The following SNX27 variants were observed in gnomAD, a reference collection of about 807,000 sequenced individuals.
SNX27 encodes sorting nexin 27.
Under a neutral mutation model 71.6 loss-of-function variants are expected in SNX27, and 22 were observed. The observed-to-expected ratio is 0.31, with a 90% confidence interval of 0.22 to 0.44. SNX27 has a LOEUF of 0.44. Among genes scored for constraint, SNX27 ranks in the 20% least tolerant of loss-of-function variants. SNX27 has a pLI of 1.00. For synonymous variants in SNX27, 269 were observed against 277.2 expected (o/e 0.97, Z 0.29); for missense variants, 531 against 698.6 (o/e 0.76, Z 2.70).
At chr1:151,669,559 C>A (rs1364902695) in intron 7 of SNX27, among the ~76,000 whole-genome samples, 3 of 152,174 alleles carry the variant, frequency 2.0e-5, no homozygotes, top group Non-Finnish European at 4.4e-5. Flanking sequence ...GGAGTCTCTT[C>A]CTCTATCCCC....
In SNX27 at chr1:151,660,819, G is replaced by A; in HGVS notation, c.758G>A (p.Gly253Asp). The A allele has an allele frequency of 6.2e-7, 1 of 1,612,754 alleles. No homozygotes were observed. Among genetic ancestry groups the A allele is most frequent in the Non-Finnish European group, 8.5e-7 (1 of 1,178,858 alleles). ...ACAGTGTGTTCAATACGAGTAATTGGTGAGAGTGACATCATGCAGGAATTC... is the reference window on the plus strand; with the variant it reads ...ACAGTGTGTTCAATACGAGTAATTGATGAGAGTGACATCATGCAGGAATTC... ...LEKVCSIRVI[G>D]ESDIMQEFLS... The change falls in exon 4 of 12, where the codon GGT (glycine) becomes GAT (aspartate). Residue 253 changes from glycine (G) to aspartate (D), a missense_variant. Gly to Asp is a moderately conservative substitution (Grantham distance 94). Around this residue, in one of 5 missense-constraint regions of SNX27, gnomAD observed 184 missense variants for 289.6 expected, o/e 0.64. Transcript: ENST00000458013.
At chr1:151,626,531 T>C (rs1026302240) in intron 1 of SNX27, among the ~76,000 whole-genome samples, 1 of 152,110 alleles carries the variant, frequency 6.6e-6, no homozygotes, top group Non-Finnish European at 1.5e-5. Context: ...GAGAAACCTG[T>C]CTCTACTGAA....
Position 151,694,512 on chromosome 1 carries a change from A to G in SNX27, c.*95A>G, listed in dbSNP as rs1671615165. 2 of 1,298,920 alleles carry G rather than the reference A, an allele frequency of 1.5e-6. No individual in the cohort carries two copies. Among genetic ancestry groups the G allele is most frequent in the African/African-American group, 3.1e-5 (2 of 65,468 alleles). The allele number at this position is 1,298,920 out of a possible 1,614,324, so 80.5% of individuals were successfully genotyped here. Reference sequence around the variant, plus strand: ...AGTAACCATTAACAAAAAAGAAGAGAAAAAGTTAAAGTCGTTATATTCAAA... The same window carrying G: ...AGTAACCATTAACAAAAAAGAAGAGGAAAAGTTAAAGTCGTTATATTCAAA... On this transcript the variant is annotated 3_prime_UTR_variant, in exon 12 of 12. Coordinates refer to ENST00000458013, the MANE Select transcript of SNX27 (RefSeq NM_001330723.2).
At chr1:151,690,817 A>G (rs1214520744) in intron 8 of SNX27, among the ~76,000 whole-genome samples, 1 of 152,172 alleles carries the variant, frequency 6.6e-6, no homozygotes, top group Non-Finnish European at 1.5e-5. Context: ...CATTTATGGA[A>G]GAGGAAACTG....
chr1:151,646,637 C>G (rs1317719828), intron 2 of SNX27, among the ~76,000 whole-genome samples: 2 of 147,658 alleles, frequency 1.4e-5, no homozygotes, highest in East Asian at 3.9e-4. Flanking sequence ...TAGTATAACA[C>G]TGTATATAGG....
At chr1:151,662,368 G>T (rs1225988956) in intron 5 of SNX27, 98 bp downstream of exon 5, 2 of 653,606 alleles carry the variant, frequency 3.1e-6, no homozygotes, top group Non-Finnish European at 5.3e-6. Context: ...AGGGTGTCTG[G>T]CACATAATCC....
At chr1:151,688,129 C>T (rs1671270266) in intron 8 of SNX27, among the ~76,000 whole-genome samples, 1 of 152,078 alleles carries the variant, frequency 6.6e-6, no homozygotes, top group Non-Finnish European at 1.5e-5. Flanking sequence ...TACATAGTTA[C>T]TCAAAACTTA....
At chr1:151,653,994 A>G (rs1213830861) in intron 2 of SNX27, among the ~76,000 whole-genome samples, 1 of 152,022 alleles carries the variant, frequency 6.6e-6, no homozygotes, top group African/African-American at 2.4e-5. Flanking sequence ...CACCACGCCA[A>G]GCTAATTTTT....
chr1:151,694,705 C>T lies in SNX27; in HGVS notation c.*288C>T, dbSNP rs1341254616. The T allele has an allele frequency of 2.9e-6, 1 of 341,938 alleles. No homozygotes were observed. The highest frequency in any genetic ancestry group is 4.6e-5 in the Admixed American group (1 of 21,774). The allele number at this position is 341,938 out of a possible 1,614,324, so 21.2% of individuals were successfully genotyped here. On this transcript the variant is annotated 3_prime_UTR_variant, in exon 12 of 12. Transcript: ENST00000458013. ...GGTATCTTTGTCCTTTCACCTGGGC[C>T]TCATACCAACAGCCTCTCCTTGTAC...
chr1:151,659,264 T>A lies in SNX27; in HGVS notation c.736+837T>A, dbSNP rs554254274. 3.3e-5 allele frequency among the ~76,000 whole-genome samples: 5 copies of A among 152,234 alleles called. No individual in the cohort carries two copies. The East Asian group carries it at 9.7e-4, about 29-fold the overall frequency. On this transcript the variant is annotated intron_variant, in intron 3 of 11. Transcript: ENST00000458013. ...TTGTTTTGTTTTGTTTTGTTTTGTTTTGAGACAGAGTCTCTCTCTGTTGCC... is the reference window on the plus strand; with the variant it reads ...TTGTTTTGTTTTGTTTTGTTTTGTTATGAGACAGAGTCTCTCTCTGTTGCC...
rs1669803046 is a variant in SNX27 at position 151,658,531 on chromosome 1, A to G, written c.736+104A>G. Reference sequence around the variant, plus strand: ...TTTCCAGAACCTCAATAGTGAATGTAAGTCAGGTTTCTGACTAAGTATTGA... The same window carrying G: ...TTTCCAGAACCTCAATAGTGAATGTGAGTCAGGTTTCTGACTAAGTATTGA... On this transcript the variant is annotated intron_variant, in intron 3 of 11. Transcript: ENST00000458013. 9.4e-6 allele frequency: 11 copies of G among 1,169,276 alleles called. No homozygotes were observed. In the South Asian group the frequency reaches 1.5e-4, roughly 16 times the overall value. The allele number at this position is 1,169,276 out of a possible 1,614,324, so 72.4% of individuals were successfully genotyped here.
chr1:151,660,856 C>T lies in SNX27; in HGVS notation c.795C>T (p.Ser265=), dbSNP rs772609394. Reference sequence around the variant, plus strand: ...TCATGCAGGAATTCCTATCAGAATCCGATGAGGTAGGTGAATATCTCTTTT... The same window carrying T: ...TCATGCAGGAATTCCTATCAGAATCTGATGAGGTAGGTGAATATCTCTTTT... ...SDIMQEFLSE[S]DENYNGVSDV... The change falls in exon 4 of 12, where the codon TCC becomes TCT. Residue 265 remains serine, a synonymous_variant. Transcript: ENST00000458013. 4.4e-6 allele frequency: 7 copies of T among 1,608,746 alleles called. No individual in the cohort carries two copies. Among genetic ancestry groups the T allele is most frequent in the Middle Eastern group, 1.6e-4 (1 of 6,074 alleles).
Position 151,696,668 on chromosome 1 carries a change from T to TTTTGC in SNX27, c.*2252_*2253insTTGCT, listed in dbSNP as rs879141599. ...TTTTTTCTGTTTTTTTTTTTTTTTTTTCCCAGAGTCTTGCTCTGTCGCCCA... is the reference window on the plus strand; with the variant it reads ...TTTTTTCTGTTTTTTTTTTTTTTTTTTTTGCTCCCAGAGTCTTGCTCTGTCGCCCA... On this transcript the variant is annotated 3_prime_UTR_variant, in exon 12 of 12. Transcript: ENST00000458013. The TTTTGC allele has an allele frequency of 7.6e-6, 1 of 131,868 alleles. No homozygotes were observed. The highest frequency in any genetic ancestry group is 3.0e-5 in the African/African-American group (1 of 33,846). The allele number at this position is 131,868 out of a possible 1,614,324, so 8.2% of individuals were successfully genotyped here.
At chr1:151,632,737 T>C (rs1178315290) in intron 1 of SNX27, among the ~76,000 whole-genome samples, 2 of 152,208 alleles carry the variant, frequency 1.3e-5, no homozygotes, top group East Asian at 3.8e-4. Flanking sequence ...AACAAATTTA[T>C]TCACAATAGC....
At chr1:151,639,513 G>A (rs886904058) in intron 2 of SNX27, among the ~76,000 whole-genome samples, 6 of 152,152 alleles carry the variant, frequency 3.9e-5, no homozygotes, top group Non-Finnish European at 8.8e-5. Flanking sequence ...TAAAAGGATG[G>A]TGTCCTTCAA....
intron 7 of SNX27, among the ~76,000 whole-genome samples, chr1:151,669,677 T>C (rs1205394688): frequency 6.6e-6 from 1 of 152,234 alleles, no homozygotes; most frequent in Non-Finnish European, 1.5e-5. Flanking sequence ...TTGTTTTGTT[T>C]TGCTTTACTC....
intron 2 of SNX27, among the ~76,000 whole-genome samples, chr1:151,655,942 T>C (rs2102671946): frequency 6.6e-6 from 1 of 152,186 alleles, no homozygotes; most frequent in East Asian, 1.9e-4. Context: ...TAAAAGCTCT[T>C]GGCCGGACAC....
intron 1 of SNX27, chr1:151,614,313 T>A (rs1667332817): frequency 6.6e-6 from 1 of 152,238 alleles, no homozygotes; most frequent in South Asian, 2.1e-4. Flanking sequence ...TTCCTAGTAT[T>A]GTCTGACAAT....
intron 8 of SNX27, among the ~76,000 whole-genome samples, chr1:151,686,011 C>A (rs1272444833): frequency 1.3e-5 from 2 of 152,214 alleles, no homozygotes; most frequent in African/African-American, 4.8e-5. Flanking sequence ...TATATTAATG[C>A]ATGATTCTGA....
Sources: allele counts gnomAD v4.1 joint callset (sites outside exome capture counted in the v4.1 genomes callset), GRCh38; gene constraint gnomAD v4.1.1; regional missense constraint gnomAD v4.1.1; transcripts MANE v1.5; gene names NCBI Gene and HGNC (gene_info 2026-07-23, HGNC 2026-07-21).